The following MGRN1 variants were observed in gnomAD, a reference collection of about 807,000 sequenced individuals.
The protein encoded by MGRN1 is E3 ubiquitin-protein ligase MGRN1.
In MGRN1, 29 loss-of-function variants were observed where a neutral mutation model predicts 69.2. The ratio of observed to expected loss-of-function variants is 0.42; its 90% CI spans 0.31 to 0.57. MGRN1 has a LOEUF of 0.57. Ranked by LOEUF, MGRN1 falls within the 20% of genes least tolerant of loss-of-function variation. The pLI is 0.15. For synonymous variants in MGRN1, 470 were observed against 344.2 expected (o/e 1.37, Z -4.04); for missense variants, 998 against 796.2 (o/e 1.25, Z -3.05).
At chr16:4,642,466 TTGTGTGTGTGTGTGTGTGTGTG>T (rs143119735) in intron 1 of MGRN1, among the ~76,000 whole-genome samples, 1 of 141,732 alleles carries the variant, frequency 7.1e-6, no homozygotes, top group Non-Finnish European at 1.5e-5. Context: ...GCCAGCTAAT[TTGTGTGTGTGTGTGTGTGTGTG>T]TGTGTGTGTG....
chr16:4,678,303 G>A (rs1032562050), intron 11 of MGRN1, among the ~76,000 whole-genome samples: 2 of 152,180 alleles, frequency 1.3e-5, no homozygotes, highest in African/African-American at 4.8e-5. Flanking sequence ...GTGGAACCCT[G>A]GCTTCAAGGA....
At chr16:4,645,315 C>T (rs1041255820) in intron 1 of MGRN1, among the ~76,000 whole-genome samples, 23 of 151,990 alleles carry the variant, frequency 1.5e-4, no homozygotes, top group Admixed American at 1.1e-3. Flanking sequence ...TACAGGCATG[C>T]GCTGCCATGC....
Position 4,650,474 on chromosome 16 carries a change from C to G in MGRN1, c.198C>G (p.Arg66=). ...TGGATCTGAACTTCCTGGGCAGCCG[C>G]CCGGTCCAGGTGGGTCTGGACAGGG... ...ENMDLNFLGS[R]PVQFPYVTPA... is the part of the protein sequence containing the mutation. The change falls in exon 2 of 17, where the codon CGC becomes CGG. Residue 66 remains arginine (R), a synonymous_variant. Transcript: ENST00000262370. 1.2e-6 allele frequency: 2 copies of G among 1,613,576 alleles called. No homozygotes were observed. The highest frequency in any genetic ancestry group is 1.7e-6 in the Non-Finnish European group (2 of 1,179,756).
chr16:4,627,660 G>A (rs577401173), intron 1 of MGRN1, among the ~76,000 whole-genome samples: 9 of 151,710 alleles, frequency 5.9e-5, no homozygotes, highest in African/African-American at 1.7e-4. Context: ...GTGATGGCAG[G>A]CGTCTATAGT....
At chr16:4,660,855 G>A (rs1308022591) in intron 5 of MGRN1, among the ~76,000 whole-genome samples, 1 of 152,246 alleles carries the variant, frequency 6.6e-6, no homozygotes, top group Admixed American at 6.5e-5. Context: ...CCCCCAGACC[G>A]GGGAAGGGAG....
intron 16 of MGRN1, 24 bp downstream of exon 16, chr16:4,683,956 T>A: frequency 3.4e-6 from 2 of 581,006 alleles, no homozygotes; most frequent in Non-Finnish European, 6.0e-6. Flanking sequence ...GGTCTGGGGG[T>A]GAGGGGCTGG....
chr16:4,628,584 G>A (rs548775579), intron 1 of MGRN1, among the ~76,000 whole-genome samples: 52 of 151,970 alleles, frequency 3.4e-4, no homozygotes, highest in African/African-American at 1.2e-3. Context: ...TTGCTCTGTC[G>A]CCCAGGTTGC....
At position 4,685,616 on chromosome 16, in the gene MGRN1, C is replaced by T. The variant is rs531597380; in HGVS notation, c.1618+1684C>T. ...TTCTGAGCCACGGAGAGCACATGTG[C>T]CTTTGGGGGCTGTTTGGCGCCATCT... is the stretch of plus-strand genomic sequence containing the variant. On this transcript the variant is annotated intron_variant, in intron 16 of 16. Coordinates refer to ENST00000262370, the MANE Select transcript of MGRN1 (RefSeq NM_015246.4). Among the ~76,000 whole-genome samples, 106 of 152,342 alleles carry T rather than the reference C, an allele frequency of 7.0e-4. 1 individual carries two copies. The highest frequency in any genetic ancestry group is 1.7e-3 in the Admixed American group (26 of 15,310).
At chr16:4,628,162 G>A (rs546331069) in intron 1 of MGRN1, among the ~76,000 whole-genome samples, 5 of 151,314 alleles carry the variant, frequency 3.3e-5, no homozygotes, top group East Asian at 1.9e-4. Context: ...CGAGGCAGGC[G>A]GATCACGAGG....
intron 15 of MGRN1, 82 bp downstream of exon 15, chr16:4,683,351 G>C: frequency 1.3e-6 from 2 of 1,516,842 alleles, no homozygotes; most frequent in Non-Finnish European, 1.8e-6. Flanking sequence ...GCTCCAGGTG[G>C]TGTTGGGCCA....
intron 11 of MGRN1, among the ~76,000 whole-genome samples, chr16:4,679,765 C>CG (rs2079135710): frequency 6.6e-6 from 1 of 152,166 alleles, no homozygotes; most frequent in South Asian, 2.1e-4. Flanking sequence ...ACCCAGACTG[C>CG]GGGGGGACAG....
At chr16:4,669,426 T>G (rs1415519262) in intron 8 of MGRN1, among the ~76,000 whole-genome samples, 1 of 52,376 alleles carries the variant, frequency 1.9e-5, no homozygotes, top group African/African-American at 7.1e-5. Flanking sequence ...AGAGGAAGAC[T>G]GTGTCAAAAA....
intron 2 of MGRN1, 122 bp from the exon 3 acceptor site, chr16:4,651,838 AGCC>A: frequency 1.2e-6 from 1 of 829,574 alleles, no homozygotes; most frequent in Non-Finnish European, 2.1e-6. Context: ...CACCCAGTAT[AGCC>A]CCTCCCATGG....
At chr16:4,686,071 G>A (rs542331433) in intron 16 of MGRN1, among the ~76,000 whole-genome samples, 6 of 151,786 alleles carry the variant, frequency 4.0e-5, no homozygotes, top group Admixed American at 1.3e-4. Flanking sequence ...GCGCTCCTCC[G>A]CGTTGAATTC....
intron 10 of MGRN1, among the ~76,000 whole-genome samples, chr16:4,675,153 A>C (rs966684373): frequency 6.6e-6 from 1 of 151,186 alleles, no homozygotes; most frequent in African/African-American, 2.4e-5. Context: ...GTGTATTTTT[A>C]GTAGAGATGG....
intron 5 of MGRN1, among the ~76,000 whole-genome samples, chr16:4,662,488 C>G (rs1438455202): frequency 6.6e-6 from 1 of 151,680 alleles, no homozygotes; most frequent in Admixed American, 6.6e-5. Context: ...TGCACTCCAT[C>G]CTGGGTAACA....
chr16:4,660,279 T>C (rs528907871), intron 5 of MGRN1, among the ~76,000 whole-genome samples: 1 of 152,334 alleles, frequency 6.6e-6, no homozygotes, highest in East Asian at 1.9e-4. Flanking sequence ...AGACTGGGGC[T>C]GGAAGCAGTC....
intron 1 of MGRN1, among the ~76,000 whole-genome samples, chr16:4,626,505 A>G (rs1475205771): frequency 1.3e-5 from 2 of 152,210 alleles, no homozygotes; most frequent in African/African-American, 4.8e-5. Context: ...ATGCTTATAC[A>G]GCCCTCAGAA....
chr16:4,686,302 C>T (rs1216176472), intron 16 of MGRN1: 49 of 1,544,866 alleles, frequency 3.2e-5, no homozygotes, highest in African/African-American at 8.2e-5. Context: ...ACGAGTAAGC[C>T]GGTACGTGAC....
Sources: allele counts gnomAD v4.1 joint callset (sites outside exome capture counted in the v4.1 genomes callset), GRCh38; gene constraint gnomAD v4.1.1; transcripts MANE v1.5; gene names NCBI Gene and HGNC (gene_info 2026-07-23, HGNC 2026-07-21).